WDPCP: variants seen among roughly 807,000 people sequenced by gnomAD.
WDPCP encodes the protein WD repeat-containing and planar cell polarity effector protein fritz homolog.
In WDPCP, 71 loss-of-function variants were observed where a neutral mutation model predicts 93.1. The observed-to-expected ratio is 0.76, with a 90% CI of 0.63 to 0.93. The LOEUF is 0.93. WDPCP is among the 40% of genes least tolerant of loss of function. WDPCP has a pLI of 0.00. For missense variants in WDPCP, 844 were observed against 887.4 expected, an observed-to-expected ratio of 0.95 and a Z score of 0.62; for synonymous variants, 315 against 315.0, an observed-to-expected ratio of 1.00 and a Z score of 0.00.
chr2:63,404,642 G>A lies in WDPCP; in HGVS notation c.841C>T (p.Arg281Cys), dbSNP rs747564290. The change falls in exon 10 of 18, where the codon CGC becomes TGC. Residue 281 changes from arginine to cysteine, a missense_variant. Coordinates refer to ENST00000272321, the MANE Select transcript of WDPCP (RefSeq NM_015910.7). ...QGRLEVLSSV[R>C]TEWDPLDVRF... Reference sequence around the variant, plus strand: ...ACATCCAGTGGGTCCCATTCTGTGCGGACAGAACTCAGAACCTGTTAAGAA... The same window carrying A: ...ACATCCAGTGGGTCCCATTCTGTGCAGACAGAACTCAGAACCTGTTAAGAA... 1.2e-5 allele frequency: 20 copies of A among 1,613,840 alleles called. No homozygotes were observed. Among genetic ancestry groups the A allele is most frequent in the South Asian group, 7.7e-5 (7 of 91,076 alleles).
chr2:63,581,787 G>A (rs556465443), intron 1 of WDPCP, among the ~76,000 whole-genome samples: 8 of 152,114 alleles, frequency 5.3e-5, no homozygotes, highest in Non-Finnish European at 1.0e-4. Flanking sequence ...CGGGTGGATC[G>A]TTTGAGTCCT....
intron 13 of WDPCP, among the ~76,000 whole-genome samples, chr2:63,264,604 G>A (rs1369239047): frequency 6.6e-6 from 1 of 152,136 alleles, no homozygotes; most frequent in Non-Finnish European, 1.5e-5. Flanking sequence ...TAAGTTTGAA[G>A]GGGAGAGAGA....
chr2:63,645,699 T>C (rs1320857363), intron 3 of WDPCP, among the ~76,000 whole-genome samples: 4 of 152,224 alleles, frequency 2.6e-5, no homozygotes, highest in Non-Finnish European at 4.4e-5. Flanking sequence ...GTTGGGCACA[T>C]ATATATTTAC....
chr2:63,694,871 G>C, intron 2 of WDPCP, among the ~76,000 whole-genome samples: 1 of 152,096 alleles, frequency 6.6e-6, no homozygotes, highest in Non-Finnish European at 1.5e-5. Context: ...ATAAGAAAAG[G>C]CAGGAAAAAC....
In WDPCP at chr2:63,769,081, T is replaced by C. The variant is rs565620181; in HGVS notation, n.308+44541A>G. The stretch of plus-strand genomic sequence containing the variant: ...ACTCTGAGTTTCTGATTCCATAAAA[T>C]ACTTTTTGAAAATTCTTCATGAAAT... On this transcript the variant is annotated intron_variant and non_coding_transcript_variant, in intron 2 of 4. Transcript: ENST00000467687. Among the ~76,000 whole-genome samples, 20 of 152,104 alleles carry C rather than the reference T, an allele frequency of 1.3e-4. 1 individual carries two copies. The South Asian group carries it at 3.7e-3, about 28-fold the overall frequency.
chr2:63,656,546 T>G lies in WDPCP; in HGVS notation n.309-5708A>C, dbSNP rs577608167. Among the ~76,000 whole-genome samples, 4 of 152,288 alleles carry G rather than the reference T, an allele frequency of 2.6e-5. No individual in the cohort carries two copies. In the South Asian group the frequency reaches 8.3e-4, roughly 32 times the overall value. The stretch of plus-strand genomic sequence containing the variant: ...AAACATTGGGATATATTTCAAGAGC[T>G]AAGAGCAGCTAGTCAGAAATTACTC... On this transcript the variant is annotated intron_variant and non_coding_transcript_variant, in intron 2 of 4. Transcript: ENST00000467687.
chr2:63,617,504 C>G (rs774219664), intron 3 of WDPCP, among the ~76,000 whole-genome samples: 5 of 151,984 alleles, frequency 3.3e-5, no homozygotes, highest in Non-Finnish European at 5.9e-5. Context: ...AACTAAGCAG[C>G]CAGGTGATTG....
chr2:63,196,852 GA>G (rs1485345892), intron 14 of WDPCP, among the ~76,000 whole-genome samples: 1 of 152,166 alleles, frequency 6.6e-6, no homozygotes, highest in African/African-American at 2.4e-5. Context: ...AGACATAGAA[GA>G]ACCAGTGCCA....
At chr2:63,622,074 T>C (rs1709746505) in intron 3 of WDPCP, 6 of 1,029,282 alleles carry the variant, frequency 5.8e-6, no homozygotes, top group African/African-American at 1.7e-5. Context: ...TTCTTTTTTT[T>C]TTTTTTTTTT....
At chr2:63,462,223 C>T (rs545082510) in intron 6 of WDPCP, among the ~76,000 whole-genome samples, 14 of 152,246 alleles carry the variant, frequency 9.2e-5, no homozygotes, top group Admixed American at 5.2e-4. Context: ...AGCTGGAAAC[C>T]GTCATTCTCA....
chr2:63,825,473 C>T (rs1671098493), intron 1 of WDPCP, among the ~76,000 whole-genome samples: 2 of 152,014 alleles, frequency 1.3e-5, no homozygotes, highest in African/African-American at 4.8e-5. Flanking sequence ...CTGGGAAGCA[C>T]CTCGAGCCAA....
chr2:63,247,983 C>T (rs76077074), intron 14 of WDPCP, among the ~76,000 whole-genome samples: 3 of 152,076 alleles, frequency 2.0e-5, no homozygotes, highest in Non-Finnish European at 4.4e-5. Flanking sequence ...AAAGTTACAA[C>T]AATCTAATTT....
At chr2:63,528,809 T>C (rs1703574634) in intron 1 of WDPCP, among the ~76,000 whole-genome samples, 1 of 152,354 alleles carries the variant, frequency 6.6e-6, no homozygotes, top group South Asian at 2.1e-4. Flanking sequence ...TTGGGCAGTA[T>C]GGCCATCTTC....
chr2:63,372,849 C>T (rs1310565565), intron 12 of WDPCP, among the ~76,000 whole-genome samples: 1 of 152,090 alleles, frequency 6.6e-6, no homozygotes, highest in African/African-American at 2.4e-5. Context: ...ATAGGCTGGG[C>T]ACGGTAGCTC....
intron 12 of WDPCP, among the ~76,000 whole-genome samples, chr2:63,359,402 A>G (rs1227005311): frequency 1.3e-5 from 2 of 152,258 alleles, no homozygotes; most frequent in African/African-American, 4.8e-5. Flanking sequence ...GATAGAACAT[A>G]AGTACATGAA....
intron 2 of WDPCP, among the ~76,000 whole-genome samples, chr2:63,766,383 G>A (rs1447242589): frequency 6.6e-6 from 1 of 151,114 alleles, no homozygotes; most frequent in East Asian, 1.9e-4. Flanking sequence ...AGGCTGGAGT[G>A]CAGTGGCATG....
intron 1 of WDPCP, among the ~76,000 whole-genome samples, chr2:63,565,743 A>C (rs558522988): frequency 6.6e-6 from 1 of 152,182 alleles, no homozygotes; most frequent in East Asian, 1.9e-4. Context: ...TTATATAACT[A>C]AAGAGAAAAG....
chr2:63,776,160 C>CA lies in WDPCP; in HGVS notation n.308+37461dup, dbSNP rs61099920. On this transcript the variant is annotated intron_variant and non_coding_transcript_variant, in intron 2 of 4. Transcript: ENST00000467687. ...ATGAAACAACTGATAAACTGAATCT[C>CA]AAAAAAAAAAAAGAACTTTTGAAAG... Among the ~76,000 whole-genome samples, 327 of 126,568 alleles carry CA rather than the reference C, an allele frequency of 2.6e-3. 1 individual carries two copies. Among genetic ancestry groups the CA allele is most frequent in the African/African-American group, 7.7e-3 (264 of 34,412 alleles). The allele number at this position is 126,568 out of a possible 152,430, so 83.0% of individuals were successfully genotyped here.
intron 1 of WDPCP, among the ~76,000 whole-genome samples, chr2:63,495,209 A>G (rs189278394): frequency 6.6e-6 from 1 of 152,306 alleles, no homozygotes; most frequent in Non-Finnish European, 1.5e-5. Context: ...ACTAAGAGAA[A>G]GAATGCAGTT....
Sources: gnomAD v4.1 joint callset for allele counts (sites outside exome capture counted in the v4.1 genomes callset) on GRCh38, gnomAD v4.1.1 for gene constraint, MANE v1.5 for transcripts, NCBI Gene and HGNC (gene_info 2026-07-23, HGNC 2026-07-21) for gene names.